Variants in FAM117B observed in about 807,000 individuals in gnomAD.
FAM117B encodes family with sequence similarity 117 member B.
FAM117B carries 22 observed loss-of-function variants against 52.8 expected under a neutral mutation model. The ratio of observed to expected loss-of-function variants is 0.42; its 90% confidence interval spans 0.30 to 0.59. FAM117B has a LOEUF of 0.59. Ranked by LOEUF, FAM117B falls within the 20% of genes least tolerant of loss-of-function variation. The probability of loss-of-function intolerance (pLI) is 0.22; values close to 1 mark genes in which losing one functional copy is unlikely to be tolerated. For missense variants in FAM117B, 678 were observed against 802.6 expected (o/e 0.84, Z 1.88); for synonymous variants, 309 against 324.1 (o/e 0.95, Z 0.50).
chr2:202,638,448 G>A (rs1227213229), intron 1 of FAM117B, among the ~76,000 whole-genome samples: 1 of 152,030 alleles, frequency 6.6e-6, no homozygotes, highest in African/African-American at 2.4e-5. Context: ...TCTCTAGGAG[G>A]GCTCTATTTC....
intron 4 of FAM117B, among the ~76,000 whole-genome samples, chr2:202,733,001 C>T (rs536320018): frequency 5.3e-5 from 8 of 151,946 alleles, no homozygotes; most frequent in Admixed American, 1.3e-4. Flanking sequence ...AATATTTCAA[C>T]GTAGGTTCTA....
chr2:202,713,058 G>C (rs1013688472), intron 2 of FAM117B, among the ~76,000 whole-genome samples: 4 of 152,106 alleles, frequency 2.6e-5, no homozygotes, highest in Non-Finnish European at 5.9e-5. Flanking sequence ...AATGAGTTTG[G>C]AAATATTCCC....
chr2:202,636,621 G>C (rs994097135), intron 1 of FAM117B, among the ~76,000 whole-genome samples: 4 of 152,242 alleles, frequency 2.6e-5, no homozygotes, highest in African/African-American at 9.6e-5. Flanking sequence ...AATTCAAATT[G>C]TGGGAAGTGG....
intron 1 of FAM117B, among the ~76,000 whole-genome samples, chr2:202,668,792 CT>C (rs1163224430): frequency 6.6e-6 from 1 of 151,970 alleles, no homozygotes; most frequent in Non-Finnish European, 1.5e-5. Context: ...CCTCTAAGGG[CT>C]GTGTTTATTT....
intron 1 of FAM117B, among the ~76,000 whole-genome samples, chr2:202,651,774 G>A (rs1376049372): frequency 2.0e-5 from 3 of 152,076 alleles, no homozygotes; most frequent in African/African-American, 7.2e-5. Context: ...TTCCTATTGT[G>A]CATGTATGTT....
rs754017440 is a variant in FAM117B, at chr2:202,725,029, G to C, written c.846+20G>C. ...AAGGAGGTCAGAAAAATGGTTCTAA[G>C]ATAGTGGGTGTGGAAATATGATCCT... On this transcript the variant is annotated intron_variant, in intron 3 of 7. Coordinates refer to ENST00000392238, the MANE Select transcript of FAM117B (RefSeq NM_173511.4). 1.3e-6 allele frequency: 2 copies of C among 1,573,990 alleles called. No individual in the cohort carries two copies. The highest frequency in any genetic ancestry group is 1.7e-6 in the Non-Finnish European group (2 of 1,147,884).
In FAM117B at chr2:202,635,375, G is replaced by A. The variant is rs561348639; in HGVS notation, c.188G>A (p.Gly63Asp). 3.4e-3 allele frequency: 4,645 copies of A among 1,367,134 alleles called. 16 individuals carry two copies. Among genetic ancestry groups the A allele is most frequent in the Non-Finnish European group, 4.2e-3 (4,438 of 1,062,718 alleles). The allele number at this position is 1,367,134 out of a possible 1,614,324, so 84.7% of individuals were successfully genotyped here. A position where few individuals can be genotyped will look rare whatever the true frequency, so the allele number is the denominator to read the frequency against. Residue 63 changes from glycine to aspartate, a missense_variant, in exon 1 of 8, where the codon GGC becomes GAC. Coordinates refer to ENST00000392238, the MANE Select transcript of FAM117B (RefSeq NM_173511.4). Reference protein sequence around the residue: ...SPTRSGGGGGGNNNGGCCGGA... With the variant: ...SPTRSGGGGGDNNNGGCCGGA... ...ACGCGGAGCGGCGGCGGCGGCGGCGGCAACAACAACGGTGGCTGCTGTGGT... is the reference window on the plus strand; with the variant it reads ...ACGCGGAGCGGCGGCGGCGGCGGCGACAACAACAACGGTGGCTGCTGTGGT...
At chr2:202,760,197 A>G (rs1347435381) in intron 7 of FAM117B, among the ~76,000 whole-genome samples, 1 of 152,142 alleles carries the variant, frequency 6.6e-6, no homozygotes, top group African/African-American at 2.4e-5. Context: ...TGTTACTCAA[A>G]TTTCTTTAGT....
At chr2:202,747,336 A>C (rs1448898344) in intron 4 of FAM117B, among the ~76,000 whole-genome samples, 1 of 152,198 alleles carries the variant, frequency 6.6e-6, no homozygotes, top group Non-Finnish European at 1.5e-5. Context: ...AATGGGGAAA[A>C]GCAGAAAGCC....
At chr2:202,703,731 A>T (rs1442927933) in intron 2 of FAM117B, among the ~76,000 whole-genome samples, 1 of 152,140 alleles carries the variant, frequency 6.6e-6, no homozygotes, top group Admixed American at 6.5e-5. Flanking sequence ...CTGTAGATGG[A>T]TATTTGGGGT....
chr2:202,703,231 G>A (rs1052144867), intron 2 of FAM117B, among the ~76,000 whole-genome samples: 3 of 152,086 alleles, frequency 2.0e-5, no homozygotes, highest in Non-Finnish European at 2.9e-5. Context: ...CTCACTTTCT[G>A]TTTCCATGAA....
intron 1 of FAM117B, among the ~76,000 whole-genome samples, chr2:202,666,974 A>T (rs13428046): frequency 0.09 from 13,671 of 152,026 alleles, 2,072 homozygotes; most frequent in African/African-American, 0.31. Context: ...ATAAAAATGC[A>T]GATCGAAAAT....
intron 4 of FAM117B, among the ~76,000 whole-genome samples, chr2:202,743,931 G>T (rs981827220): frequency 1.3e-5 from 2 of 152,154 alleles, no homozygotes; most frequent in African/African-American, 4.8e-5. Flanking sequence ...AGAAGAGATG[G>T]TCAAAGGCAT....
At chr2:202,685,207 A>G (rs1690521617) in intron 1 of FAM117B, among the ~76,000 whole-genome samples, 1 of 151,532 alleles carries the variant, frequency 6.6e-6, no homozygotes, top group Non-Finnish European at 1.5e-5. Flanking sequence ...CTGGTTTTGA[A>G]CTCCCGACTT....
intron 1 of FAM117B, among the ~76,000 whole-genome samples, chr2:202,693,442 C>T (rs533142283): frequency 1.6e-4 from 24 of 152,162 alleles, no homozygotes; most frequent in African/African-American, 5.8e-4. Flanking sequence ...AACCCCGTCT[C>T]TACTAAAAAT....
intron 4 of FAM117B, among the ~76,000 whole-genome samples, chr2:202,750,543 C>T (rs1015475709): frequency 1.3e-5 from 2 of 152,158 alleles, no homozygotes; most frequent in Non-Finnish European, 2.9e-5. Context: ...AACTCAACTA[C>T]TGCCTTAGAT....
chr2:202,713,733 G>A (rs1436128859), intron 2 of FAM117B, among the ~76,000 whole-genome samples: 1 of 152,028 alleles, frequency 6.6e-6, no homozygotes, highest in African/African-American at 2.4e-5. Context: ...TTGAGAAGGA[G>A]TTTCGCTCTG....
chr2:202,760,982 A>T (rs1691877990), intron 7 of FAM117B, among the ~76,000 whole-genome samples: 1 of 151,966 alleles, frequency 6.6e-6, no homozygotes, highest in Non-Finnish European at 1.5e-5. Context: ...TCAACAGTTC[A>T]CTGCAGCCTT....
chr2:202,667,144 A>C (rs1003518793), intron 1 of FAM117B, among the ~76,000 whole-genome samples: 1 of 151,920 alleles, frequency 6.6e-6, no homozygotes, highest in Admixed American at 6.6e-5. Context: ...TTTGTCGCCC[A>C]GGCTGGAGTG....
Sources: gnomAD v4.1 joint callset for allele counts (sites outside exome capture counted in the v4.1 genomes callset) on GRCh38, gnomAD v4.1.1 for gene constraint, MANE v1.5 for transcripts, NCBI Gene and HGNC (gene_info 2026-07-23, HGNC 2026-07-21) for gene names.